TMTC2: variants seen among roughly 807,000 people sequenced by gnomAD.
TMTC2 encodes the protein transmembrane O-mannosyltransferase targeting cadherins 2.
In TMTC2, 43 loss-of-function variants were observed where a neutral mutation model predicts 82.4. The ratio of observed to expected loss-of-function variants is 0.52; its 90% CI spans 0.41 to 0.67. TMTC2 has a LOEUF of 0.67. Among genes scored for constraint, TMTC2 ranks in the 30% least tolerant of loss-of-function variants. The pLI is 0.00. For synonymous variants in TMTC2, 408 were observed against 381.9 expected (o/e 1.07, Z -0.80); for missense variants, 919 against 1,012.4 (o/e 0.91, Z 1.25).
At chr12:82,765,958 A>G (rs116324162) in intron 1 of TMTC2, among the ~76,000 whole-genome samples, 154 of 152,258 alleles carry the variant, frequency 1.0e-3, no homozygotes, top group African/African-American at 3.4e-3. Context: ...ATTATTTCTG[A>G]CCATACCCGG....
intron 1 of TMTC2, among the ~76,000 whole-genome samples, chr12:82,845,225 T>C (rs1466534582): frequency 2.4e-4 from 3 of 12,432 alleles, no homozygotes; most frequent in East Asian, 5.2e-3. Flanking sequence ...CGTGACTGTC[T>C]CAAAAAAAAA....
intron 10 of TMTC2, among the ~76,000 whole-genome samples, chr12:83,051,289 G>T (rs1342618273): frequency 1.3e-5 from 2 of 151,822 alleles, no homozygotes; most frequent in Non-Finnish European, 2.9e-5. Context: ...GAGGTGCTTT[G>T]CTTTTTCTTT....
At chr12:82,990,749 G>A (rs1879364521) in intron 8 of TMTC2, among the ~76,000 whole-genome samples, 1 of 151,956 alleles carries the variant, frequency 6.6e-6, no homozygotes, top group Admixed American at 6.6e-5. Flanking sequence ...GTACCCATGT[G>A]CCTTTTCCTT....
intron 1 of TMTC2, among the ~76,000 whole-genome samples, chr12:82,840,115 G>C (rs1870254218): frequency 6.6e-6 from 1 of 152,214 alleles, no homozygotes; most frequent in South Asian, 2.1e-4. Context: ...AGGCGAGGCA[G>C]GTGAATCACT....
In TMTC2 at chr12:82,981,550, A is replaced by C. The variant is rs533318659; in HGVS notation, c.1949-4375A>C. On this transcript the variant is annotated intron_variant, in intron 7 of 11. Transcript: ENST00000321196. The stretch of plus-strand genomic sequence containing the variant: ...CTGATCATTCTATCATCGCACAGCA[A>C]ATCTTCTCATTCTTATGAAAGTACC... Among the ~76,000 whole-genome samples the C allele has an allele frequency of 6.6e-5, 10 of 152,040 alleles. No homozygotes were observed. In the South Asian group the frequency reaches 1.9e-3, roughly 28 times the overall value.
chr12:83,066,035 C>G (rs948671491), intron 11 of TMTC2, among the ~76,000 whole-genome samples: 6 of 151,772 alleles, frequency 4.0e-5, no homozygotes, highest in Non-Finnish European at 7.4e-5. Flanking sequence ...AAGACTGTGC[C>G]AAATGTAGTA....
chr12:82,695,163 T>C (rs981694561), intron 1 of TMTC2, among the ~76,000 whole-genome samples: 5 of 152,220 alleles, frequency 3.3e-5, no homozygotes, highest in East Asian at 1.9e-4. Context: ...AAAAATCCGG[T>C]GGGAAGAATG....
intron 4 of TMTC2, 59 bp from the exon 5 acceptor site, chr12:82,964,965 T>G: frequency 8.6e-7 from 1 of 1,157,486 alleles, no homozygotes. Context: ...AAATAAAAAT[T>G]TGTGGTTTTA....
intron 1 of TMTC2, among the ~76,000 whole-genome samples, chr12:82,828,847 A>C (rs1482107695): frequency 6.6e-6 from 1 of 152,126 alleles, no homozygotes; most frequent in African/African-American, 2.4e-5. Context: ...AATTATTTTC[A>C]GGGGCAATAA....
In TMTC2 at chr12:83,071,161, G is replaced by GTT. The variant is rs71068973; in HGVS notation, c.2331+9340_2331+9341dup. On this transcript the variant is annotated intron_variant, in intron 11 of 11. Transcript: ENST00000321196. ...TTGGTCTGTAGTTGTTTTTTTTTTT[G>GTT]TTTTTTTTTTTGAGACGGAGTCTCG... 4.7e-3 allele frequency among the ~76,000 whole-genome samples: 636 copies of GTT among 135,382 alleles called. 6 individuals carry two copies. The highest frequency in any genetic ancestry group is 0.024 in the South Asian group (103 of 4,248). 88.8% of individuals were successfully genotyped at this position (135,382 alleles called of 152,430 possible). A position where few individuals can be genotyped will look rare whatever the true frequency, so the allele number is the denominator to read the frequency against.
chr12:82,772,705 C>A (rs12369186), intron 1 of TMTC2, among the ~76,000 whole-genome samples: 4 of 152,010 alleles, frequency 2.6e-5, no homozygotes, highest in Non-Finnish European at 4.4e-5. Context: ...TGTTCCACCC[C>A]CTGAAATAAA....
At chr12:83,115,649 T>G (rs1342571075) in intron 11 of TMTC2, among the ~76,000 whole-genome samples, 2 of 20,050 alleles carry the variant, frequency 1.0e-4, no homozygotes, top group African/African-American at 1.2e-3. Flanking sequence ...TTTTTATTAT[T>G]TTTTTTTTTA....
intron 11 of TMTC2, among the ~76,000 whole-genome samples, chr12:83,088,597 A>G (rs1361015118): frequency 6.6e-6 from 1 of 152,196 alleles, no homozygotes; most frequent in East Asian, 1.9e-4. Context: ...GGGAGGCCCG[A>G]GGAGAAGGAG....
intron 2 of TMTC2, among the ~76,000 whole-genome samples, chr12:82,861,001 A>C (rs1245463472): frequency 6.6e-6 from 1 of 152,220 alleles, no homozygotes; most frequent in Non-Finnish European, 1.5e-5. Context: ...AAGGCTTTAG[A>C]AGATCCATTC....
chr12:83,101,364 A>G (rs1884209536), intron 11 of TMTC2, among the ~76,000 whole-genome samples: 1 of 152,238 alleles, frequency 6.6e-6, no homozygotes, highest in African/African-American at 2.4e-5. Context: ...ATGATTTCAT[A>G]GACCCCAAAT....
At chr12:83,080,751 C>T (rs1883437867) in intron 11 of TMTC2, among the ~76,000 whole-genome samples, 1 of 152,100 alleles carries the variant, frequency 6.6e-6, no homozygotes, top group Non-Finnish European at 1.5e-5. Context: ...TATAGTGATC[C>T]AAATTGTCCA....
intron 1 of TMTC2, among the ~76,000 whole-genome samples, chr12:82,739,195 C>A (rs1323532870): frequency 2.0e-5 from 3 of 151,112 alleles, no homozygotes; most frequent in Non-Finnish European, 4.4e-5. Flanking sequence ...TTGATACATG[C>A]TTATTCTATG....
intron 7 of TMTC2, among the ~76,000 whole-genome samples, chr12:82,970,534 C>T (rs1018502057): frequency 2.0e-5 from 3 of 149,708 alleles, no homozygotes; most frequent in South Asian, 2.1e-4. Flanking sequence ...GGGGTTTCAC[C>T]TTGTTAGCCA....
At chr12:83,056,426 G>T (rs551341301) in intron 10 of TMTC2, among the ~76,000 whole-genome samples, 1 of 151,882 alleles carries the variant, frequency 6.6e-6, no homozygotes, top group African/African-American at 2.4e-5. Context: ...ATATGAGAAA[G>T]AATCATTATC....
Sources: allele counts gnomAD v4.1 joint callset (sites outside exome capture counted in the v4.1 genomes callset), GRCh38; gene constraint gnomAD v4.1.1; transcripts MANE v1.5; gene names NCBI Gene and HGNC (gene_info 2026-07-23, HGNC 2026-07-21).